PXDNL: variants seen among roughly 807,000 people sequenced by gnomAD.
PXDNL encodes probable oxidoreductase PXDNL.
A neutral mutation model predicts 150.8 loss-of-function variants in PXDNL; 145 were observed. The ratio of observed to expected loss-of-function variants is 0.96; its 90% CI spans 0.84 to 1.10. The LOEUF (loss-of-function observed/expected upper bound fraction) is 1.10. Ranked by LOEUF, PXDNL falls within the 50% of genes least tolerant of loss-of-function variation. PXDNL has a pLI of 0.00. For missense variants in PXDNL, 2,087 were observed against 1,873.9 expected, an observed-to-expected ratio of 1.11 and a Z score of -2.10; for synonymous variants, 757 against 725.7, an observed-to-expected ratio of 1.04 and a Z score of -0.69.
chr8:51,784,770 C>A (rs976678279), intron 1 of PXDNL, among the ~76,000 whole-genome samples: 1 of 151,988 alleles, frequency 6.6e-6, no homozygotes, highest in Non-Finnish European at 1.5e-5. Context: ...CTTCCCTTTA[C>A]AATGTTGCTA....
chr8:51,413,389 A>G lies in PXDNL; in HGVS notation c.1796-131T>C, dbSNP rs916885319. 5.2e-5 allele frequency: 32 copies of G among 611,160 alleles called. 1 individual carries two copies. Among genetic ancestry groups the G allele is most frequent in the East Asian group, 3.9e-4 (14 of 35,830 alleles). 37.9% of individuals were successfully genotyped at this position (611,160 alleles called of 1,614,324 possible). A position where few individuals can be genotyped will look rare whatever the true frequency, so the allele number is the denominator to read the frequency against. On this transcript the variant is annotated intron_variant, in intron 14 of 22. Coordinates refer to ENST00000356297, the MANE Select transcript of PXDNL (RefSeq NM_144651.5). ...AAACCTCTAAGACAATGAAAATGTT[A>G]TACAATATCTACATGATAATGCCCA...
intron 21 of PXDNL, among the ~76,000 whole-genome samples, chr8:51,337,928 C>T (rs1289057046): frequency 2.7e-5 from 4 of 148,286 alleles, no homozygotes. Context: ...CCTGTAGTCC[C>T]AGCACTTTGG....
At chr8:51,654,112 G>A (rs1815100629) in intron 2 of PXDNL, among the ~76,000 whole-genome samples, 1 of 152,182 alleles carries the variant, frequency 6.6e-6, no homozygotes, top group African/African-American at 2.4e-5. Flanking sequence ...CAGCCAACTG[G>A]TAGCCCACAA....
intron 1 of PXDNL, among the ~76,000 whole-genome samples, chr8:51,698,515 A>C (rs905243402): frequency 6.6e-6 from 1 of 152,128 alleles, no homozygotes; most frequent in Non-Finnish European, 1.5e-5. Flanking sequence ...TTCTCTTGCT[A>C]TTTTTACCAC....
intron 3 of PXDNL, among the ~76,000 whole-genome samples, chr8:51,563,215 T>G (rs558584245): frequency 6.6e-6 from 1 of 151,956 alleles, no homozygotes; most frequent in Non-Finnish European, 1.5e-5. Context: ...GCTTGAACAA[T>G]AGCAATTTAT....
At chr8:51,716,124 C>T (rs538429769) in intron 1 of PXDNL, among the ~76,000 whole-genome samples, 4 of 152,316 alleles carry the variant, frequency 2.6e-5, no homozygotes, top group Admixed American at 2.0e-4. Context: ...CAAAACTCCA[C>T]GGAGAGATTC....
chr8:51,613,484 CG>C (rs113739338), intron 2 of PXDNL, among the ~76,000 whole-genome samples: 2,440 of 34,368 alleles, frequency 0.071, 64 homozygotes, highest in African/African-American at 0.11. Flanking sequence ...CTTAAGGGGG[CG>C]GGGGGGGGGC....
chr8:51,367,078 C>T (rs76758437), intron 19 of PXDNL, among the ~76,000 whole-genome samples: 23 of 115,692 alleles, frequency 2.0e-4, no homozygotes, highest in Admixed American at 9.0e-4. Flanking sequence ...TCCAGCCTTG[C>T]GACAGAGCAA....
At chr8:51,574,449 T>C (rs1375821289) in intron 3 of PXDNL, among the ~76,000 whole-genome samples, 1 of 151,736 alleles carries the variant, frequency 6.6e-6, no homozygotes, top group Non-Finnish European at 1.5e-5. Context: ...TCTGGTATTT[T>C]TTTTTCAACA....
At chr8:51,322,141 T>G (rs920442976) in intron 21 of PXDNL, among the ~76,000 whole-genome samples, 11 of 152,150 alleles carry the variant, frequency 7.2e-5, no homozygotes, top group African/African-American at 2.7e-4. Context: ...CTGCTGACAC[T>G]TTGATCGTGG....
chr8:51,809,084 G>A (rs1563327527), intron 1 of PXDNL, 97 bp downstream of exon 1: 3 of 1,256,532 alleles, frequency 2.4e-6, no homozygotes, highest in African/African-American at 3.0e-5. Context: ...CAAGCAGGGA[G>A]AGCATTAGGA....
intron 3 of PXDNL, among the ~76,000 whole-genome samples, chr8:51,571,261 G>A (rs898515514): frequency 6.6e-6 from 1 of 151,754 alleles, no homozygotes; most frequent in East Asian, 1.9e-4. Flanking sequence ...CATCATTTTT[G>A]ATTCGACATT....
At chr8:51,483,553 A>G in intron 6 of PXDNL, 90 bp downstream of exon 6, 1 of 793,126 alleles carries the variant, frequency 1.3e-6, no homozygotes, top group Non-Finnish European at 2.1e-6. Context: ...TTCACAGGAA[A>G]AGCAGGAGAA....
At chr8:51,345,131 A>G (rs1278373794) in intron 20 of PXDNL, among the ~76,000 whole-genome samples, 1 of 152,244 alleles carries the variant, frequency 6.6e-6, no homozygotes, top group Admixed American at 6.5e-5. Flanking sequence ...TGCATGGACT[A>G]TGAAGCTGTG....
chr8:51,563,143 A>G (rs1300556496), intron 3 of PXDNL, among the ~76,000 whole-genome samples: 1 of 151,980 alleles, frequency 6.6e-6, no homozygotes, highest in Non-Finnish European at 1.5e-5. Flanking sequence ...TCATGAAGCC[A>G]TATGGAGCCT....
intron 1 of PXDNL, among the ~76,000 whole-genome samples, chr8:51,676,813 T>C (rs1027061461): frequency 1.1e-4 from 16 of 152,234 alleles, no homozygotes; most frequent in Non-Finnish European, 2.2e-4. Context: ...ATATATCCCT[T>C]GGCCAAGTAA....
At chr8:51,580,751 T>C (rs186469016) in intron 3 of PXDNL, among the ~76,000 whole-genome samples, 71 of 152,254 alleles carry the variant, frequency 4.7e-4, no homozygotes, top group Non-Finnish European at 7.4e-5. Context: ...ATACAACAGC[T>C]ATATGACAAA....
chr8:51,698,029 T>C (rs1206588040), intron 1 of PXDNL, among the ~76,000 whole-genome samples: 1 of 152,274 alleles, frequency 6.6e-6, no homozygotes, highest in Non-Finnish European at 1.5e-5. Context: ...AACGTGCTAA[T>C]GACCATCTGA....
chr8:51,737,127 G>A (rs1464714850), intron 1 of PXDNL, among the ~76,000 whole-genome samples: 1 of 152,082 alleles, frequency 6.6e-6, no homozygotes, highest in Non-Finnish European at 1.5e-5. Flanking sequence ...ATTTCCAGCT[G>A]CCCAAAGACA....
Sources: allele counts gnomAD v4.1 joint callset (sites outside exome capture counted in the v4.1 genomes callset), GRCh38; gene constraint gnomAD v4.1.1; transcripts MANE v1.5; gene names NCBI Gene and HGNC (gene_info 2026-07-23, HGNC 2026-07-21).